Variants in RBPMS observed in about 807,000 individuals in gnomAD.
RBPMS encodes the protein RNA binding protein, mRNA processing factor, also known as RNA-binding protein with multiple splicing.
A neutral mutation model predicts 26.8 loss-of-function variants in RBPMS; 7 were observed. That is an observed-to-expected ratio of 0.26 (90% CI 0.15 to 0.49). RBPMS has a LOEUF of 0.49. Among genes scored for constraint, RBPMS ranks in the 20% least tolerant of loss-of-function variants. RBPMS has a pLI of 0.98. For missense variants in RBPMS, 186 were observed against 250.0 expected (o/e 0.74, Z 1.73); for synonymous variants, 96 against 93.3 (o/e 1.03, Z -0.17).
chr8:30,571,891 G>A lies in RBPMS; in HGVS notation c.*1366G>A, dbSNP rs1023026341. On this transcript the variant is annotated 3_prime_UTR_variant, in exon 9 of 9. Coordinates refer to ENST00000397323, the MANE Select transcript of RBPMS (RefSeq NM_001008710.3). The stretch of plus-strand genomic sequence containing the variant: ...CACAGTCTTTCCTATTGATCCGCTC[G>A]GCTTATGTTGAAAATTTCAATGTCA... The A allele has an allele frequency of 2.0e-5, 3 of 152,102 alleles. No individual in the cohort carries two copies. Among genetic ancestry groups the A allele is most frequent in the African/African-American group, 2.4e-5 (1 of 41,414 alleles). The allele number at this position is 152,102 out of a possible 1,614,324, so 9.4% of individuals were successfully genotyped here.
intron 1 of RBPMS, among the ~76,000 whole-genome samples, chr8:30,460,707 C>T (rs933024762): frequency 6.6e-6 from 1 of 152,128 alleles, no homozygotes; most frequent in Non-Finnish European, 1.5e-5. Context: ...TGAAACCTCT[C>T]TTTTTAAAGG....
At chr8:30,494,158 A>C (rs1819685392) in intron 4 of RBPMS, among the ~76,000 whole-genome samples, 1 of 152,186 alleles carries the variant, frequency 6.6e-6, no homozygotes, top group Non-Finnish European at 1.5e-5. Flanking sequence ...AGCAGGACAC[A>C]CGTCAGCTCC....
intron 6 of RBPMS, chr8:30,545,550 GGCAGAGT>G (rs1266436917): frequency 7.8e-6 from 5 of 642,752 alleles, no homozygotes; most frequent in Non-Finnish European, 9.7e-6. Context: ...AGGCTGGACA[GGCAGAGT>G]TTTCGTTTGC....
chr8:30,452,531 C>T (rs1814708498), intron 1 of RBPMS, among the ~76,000 whole-genome samples: 1 of 152,158 alleles, frequency 6.6e-6, no homozygotes, highest in Non-Finnish European at 1.5e-5. Context: ...CTACCTCCAC[C>T]CCCTACAAGA....
chr8:30,411,763 C>T (rs1809461199), intron 1 of RBPMS, among the ~76,000 whole-genome samples: 1 of 151,302 alleles, frequency 6.6e-6, no homozygotes, highest in Non-Finnish European at 1.5e-5. Flanking sequence ...GCGGGTGGAT[C>T]ACGAGGTCAG....
intron 5 of RBPMS, among the ~76,000 whole-genome samples, chr8:30,517,749 A>C (rs939887973): frequency 6.6e-6 from 1 of 152,208 alleles, no homozygotes; most frequent in Non-Finnish European, 1.5e-5. Context: ...GTTATAGACA[A>C]TGCTTGTGCA....
intron 1 of RBPMS, among the ~76,000 whole-genome samples, chr8:30,447,117 A>G (rs1033762085): frequency 2.6e-5 from 4 of 152,178 alleles, no homozygotes; most frequent in Non-Finnish European, 5.9e-5. Context: ...TGTCCACACC[A>G]TAGGCCAGAA....
chr8:30,460,138 G>A (rs1815717711), intron 1 of RBPMS, among the ~76,000 whole-genome samples: 1 of 152,182 alleles, frequency 6.6e-6, no homozygotes, highest in Admixed American at 6.5e-5. Context: ...CATATTAATT[G>A]TAGCCTAAAT....
chr8:30,391,315 T>C (rs1048008045), intron 1 of RBPMS, among the ~76,000 whole-genome samples: 3 of 152,230 alleles, frequency 2.0e-5, no homozygotes, highest in Non-Finnish European at 4.4e-5. Flanking sequence ...TGGAAGAGCA[T>C]GGACTCCCTG....
chr8:30,430,390 A>G (rs17625964), intron 1 of RBPMS, among the ~76,000 whole-genome samples: 38,002 of 152,090 alleles, frequency 0.25, 5,124 homozygotes, highest in East Asian at 0.43. Context: ...GAACCAAGGT[A>G]TTTGCAAGCT....
intron 1 of RBPMS, among the ~76,000 whole-genome samples, chr8:30,445,731 A>G (rs1488830001): frequency 1.3e-5 from 2 of 148,868 alleles, no homozygotes; most frequent in East Asian, 2.0e-4. Context: ...GCAGTGGTGC[A>G]GTCACAGCTC....
chr8:30,497,825 T>C (rs1027984436), intron 4 of RBPMS, among the ~76,000 whole-genome samples: 3 of 151,784 alleles, frequency 2.0e-5, no homozygotes, highest in Non-Finnish European at 4.4e-5. Flanking sequence ...GGTTTCACCA[T>C]GTTAGCCAGG....
At chr8:30,422,183 T>C (rs1001965545) in intron 1 of RBPMS, among the ~76,000 whole-genome samples, 2 of 151,684 alleles carry the variant, frequency 1.3e-5, no homozygotes, top group African/African-American at 2.4e-5. Context: ...TGGAGTGCAG[T>C]GGTGCGATCT....
intron 5 of RBPMS, among the ~76,000 whole-genome samples, chr8:30,522,531 T>C (rs571273966): frequency 9.0e-4 from 137 of 152,270 alleles, no homozygotes; most frequent in Non-Finnish European, 1.5e-3. Flanking sequence ...ACACATGTAA[T>C]GTTGTACACC....
At chr8:30,429,191 G>C (rs1198911325) in intron 1 of RBPMS, among the ~76,000 whole-genome samples, 2 of 152,182 alleles carry the variant, frequency 1.3e-5, no homozygotes, top group Non-Finnish European at 2.9e-5. Flanking sequence ...CCAAAATGTG[G>C]AGTGATGTCA....
At chr8:30,511,471 GAA>G (rs1188894079) in intron 5 of RBPMS, among the ~76,000 whole-genome samples, 30 of 11,184 alleles carry the variant, frequency 2.7e-3, no homozygotes, top group Non-Finnish European at 4.0e-3. Flanking sequence ...AACAAAAAAA[GAA>G]AAAAAAAAAA....
At chr8:30,495,441 G>A (rs1049651705) in intron 4 of RBPMS, among the ~76,000 whole-genome samples, 1 of 152,126 alleles carries the variant, frequency 6.6e-6, no homozygotes, top group Non-Finnish European at 1.5e-5. Context: ...CCATGGGCAC[G>A]TATACCACAG....
At chr8:30,556,305 T>G (rs1460429374) in intron 6 of RBPMS, 4 of 985,368 alleles carry the variant, frequency 4.1e-6, no homozygotes. Context: ...CACTCTGGAG[T>G]GCGCCTCGAC....
intron 6 of RBPMS, chr8:30,549,421 G>C (rs1411967347): frequency 8.0e-7 from 1 of 1,257,054 alleles, no homozygotes; most frequent in Non-Finnish European, 1.2e-6. Flanking sequence ...GGGCTGTTCT[G>C]CCCAAGGCCT....
Sources: gnomAD v4.1 joint callset for allele counts (sites outside exome capture counted in the v4.1 genomes callset) on GRCh38, gnomAD v4.1.1 for gene constraint, MANE v1.5 for transcripts, NCBI Gene and HGNC (gene_info 2026-07-23, HGNC 2026-07-21) for gene names.